Variants in PDXDC1 observed in about 807,000 individuals in gnomAD.
PDXDC1 encodes pyridoxal dependent decarboxylase domain containing 1, also known as pyridoxal-dependent decarboxylase domain-containing protein 1.
A neutral mutation model predicts 100.1 loss-of-function variants in PDXDC1; 42 were observed. The observed-to-expected ratio is 0.42, with a 90% CI of 0.33 to 0.54. The LOEUF is 0.54. PDXDC1 is among the 20% of genes least tolerant of loss of function. PDXDC1 has a pLI of 0.10. For synonymous variants in PDXDC1, 260 were observed against 371.7 expected (o/e 0.70, Z 3.46); for missense variants, 636 against 979.2 (o/e 0.65, Z 4.68).
chr16:15,125,713 G>C (rs529166928), intron 16 of PDXDC1: 3 of 1,401,964 alleles, frequency 2.1e-6, no homozygotes, highest in Non-Finnish European at 1.0e-6. Context: ...GCCTGAGAAC[G>C]TGAGGAAGGA....
At chr16:15,007,157 C>CTTTTTTTT (rs56256230) in intron 6 of PDXDC1, among the ~76,000 whole-genome samples, 3 of 73,958 alleles carry the variant, frequency 4.1e-5, no homozygotes, top group African/African-American at 5.3e-5. Flanking sequence ...AAGAGCATGA[C>CTTTTTTTT]TTTTTTTTTT....
intron 16 of PDXDC1, among the ~76,000 whole-genome samples, chr16:15,123,054 G>A (rs2047516386): frequency 1.3e-5 from 2 of 150,668 alleles, no homozygotes; most frequent in Admixed American, 1.3e-4. Context: ...GGAGCGTGAG[G>A]CTTAGGAGCA....
chr16:15,136,610 C>T, intron 16 of PDXDC1: 1 of 1,216,450 alleles, frequency 8.2e-7, no homozygotes, highest in East Asian at 2.5e-5. Flanking sequence ...GCGGGACTGT[C>T]CACCATTGCC....
intron 13 of PDXDC1, among the ~76,000 whole-genome samples, chr16:15,023,584 G>A (rs1365551890): frequency 5.2e-5 from 8 of 152,400 alleles, no homozygotes; most frequent in Non-Finnish European, 8.8e-5. Flanking sequence ...GCTTGAACCC[G>A]GGAGGCGGAG....
chr16:15,033,195 A>C, intron 18 of PDXDC1, 83 bp from the exon 19 acceptor site: 1 of 1,485,204 alleles, frequency 6.7e-7, no homozygotes, highest in South Asian at 1.1e-5. Flanking sequence ...GTGTGTGGTC[A>C]GGACCCTGAA....
intron 19 of PDXDC1, 40 bp from the exon 20 acceptor site, chr16:15,034,246 G>A (rs756032155): frequency 6.9e-6 from 11 of 1,583,262 alleles, no homozygotes; most frequent in South Asian, 6.6e-5. Context: ...CCCCAGGTGA[G>A]AACCTTAAAC....
intron 16 of PDXDC1, among the ~76,000 whole-genome samples, chr16:15,031,262 C>T (rs892200191): frequency 6.6e-6 from 1 of 152,008 alleles, no homozygotes; most frequent in Non-Finnish European, 1.5e-5. Flanking sequence ...GCTCTAGATA[C>T]TTAGTCTCTA....
intron 13 of PDXDC1, 143 bp downstream of exon 13, chr16:15,022,897 A>G: frequency 1.3e-6 from 1 of 753,674 alleles, no homozygotes; most frequent in Non-Finnish European, 2.1e-6. Flanking sequence ...AAACAAAAAA[A>G]CGAAACAAAA....
chr16:15,073,396 G>C (rs929486263), intron 16 of PDXDC1, among the ~76,000 whole-genome samples: 1 of 152,204 alleles, frequency 6.6e-6, no homozygotes, highest in Non-Finnish European at 1.5e-5. Flanking sequence ...GGTCAAGGCT[G>C]CAGTAAGCCA....
intron 16 of PDXDC1, among the ~76,000 whole-genome samples, chr16:15,129,080 C>T (rs1339167143): frequency 6.6e-6 from 1 of 151,740 alleles, no homozygotes; most frequent in Non-Finnish European, 1.5e-5. Context: ...GCTCGGATTA[C>T]AGGTGTGAGC....
chr16:15,111,070 G>C (rs190212221), intron 16 of PDXDC1, among the ~76,000 whole-genome samples: 1 of 149,364 alleles, frequency 6.7e-6, no homozygotes, highest in South Asian at 2.2e-4. Context: ...GGAGGTTGCA[G>C]TGAGCGGAGA....
intron 16 of PDXDC1, among the ~76,000 whole-genome samples, chr16:15,068,670 G>C (rs999766340): frequency 1.3e-5 from 2 of 152,228 alleles, no homozygotes; most frequent in African/African-American, 4.8e-5. Flanking sequence ...ATTCTAGCTT[G>C]CATGTCTTGT....
chr16:15,038,067 A>G lies in PDXDC1; in HGVS notation c.*1792A>G, dbSNP rs1185502612. ...GAGAAGAGATCTTTTCCCACAAGCCATCTTCATTTTTTTTGTAGAGTAGGG... is the reference window on the plus strand; with the variant it reads ...GAGAAGAGATCTTTTCCCACAAGCCGTCTTCATTTTTTTTGTAGAGTAGGG... On this transcript the variant is annotated 3_prime_UTR_variant, in exon 23 of 23. Transcript: ENST00000396410. 2.5e-6 allele frequency: 4 copies of G among 1,612,452 alleles called. No individual in the cohort carries two copies. Among genetic ancestry groups the G allele is most frequent in the Non-Finnish European group, 3.4e-6 (4 of 1,179,418 alleles).
rs552987409 is a variant in PDXDC1 at position 15,132,920 on chromosome 16, C to T, written c.1400-5959C>T. The T allele has an allele frequency of 1.0e-3, 1,581 of 1,583,912 alleles. 25 individuals carry two copies. The South Asian group carries it at 0.011, about 11-fold the overall frequency. On this transcript the variant is annotated intron_variant, in intron 16 of 16. Coordinates refer to the PDXDC1 transcript ENST00000535621. ...GCAAGCTGTCAGCAGGGCAGGAGAC[C>T]GGCAGGAGGCCAGCAGATGCCCACG...
At chr16:15,104,425 A>C in intron 16 of PDXDC1, 2 of 1,407,706 alleles carry the variant, frequency 1.4e-6, no homozygotes, top group Admixed American at 2.0e-5. Flanking sequence ...TGAGATTATC[A>C]TCCGCTGAGG....
intron 16 of PDXDC1, chr16:15,125,655 C>T: frequency 7.9e-7 from 1 of 1,265,546 alleles, no homozygotes; most frequent in Non-Finnish European, 1.2e-6. Context: ...CGGCAGGACC[C>T]CCAGCCCAGC....
At chr16:15,030,397 T>G (rs1298497538) in intron 16 of PDXDC1, among the ~76,000 whole-genome samples, 2 of 151,974 alleles carry the variant, frequency 1.3e-5, no homozygotes, top group African/African-American at 4.8e-5. Context: ...ATACAAAAAA[T>G]TAGCCAGGCA....
intron 16 of PDXDC1, among the ~76,000 whole-genome samples, chr16:15,136,292 C>T (rs1388895267): frequency 6.6e-6 from 1 of 152,204 alleles, no homozygotes; most frequent in African/African-American, 2.4e-5. Context: ...CTCACAGCAG[C>T]ACCCACCCAC....
At chr16:15,115,249 TTTG>T (rs1199070423) in intron 16 of PDXDC1, among the ~76,000 whole-genome samples, 70 of 130,614 alleles carry the variant, frequency 5.4e-4, no homozygotes, top group Admixed American at 5.3e-3. Context: ...TTTCTTTTTG[TTTG>T]TTGTTTGTTT....
Sources: gnomAD v4.1 joint callset for allele counts (sites outside exome capture counted in the v4.1 genomes callset) on GRCh38, gnomAD v4.1.1 for gene constraint, MANE v1.5 for transcripts, NCBI Gene and HGNC (gene_info 2026-07-23, HGNC 2026-07-21) for gene names.